The following PTPN13 variants were observed in gnomAD, a reference collection of about 807,000 sequenced individuals.
PTPN13 encodes the protein protein tyrosine phosphatase non-receptor type 13.
A neutral mutation model predicts 284.0 loss-of-function variants in PTPN13; 191 were observed. That is an observed-to-expected ratio of 0.67 (90% confidence interval 0.60 to 0.76). The LOEUF is 0.76. Ranked by LOEUF, PTPN13 falls within the 30% of genes least tolerant of loss-of-function variation. The pLI, the probability that PTPN13 is intolerant of heterozygous loss-of-function variation, is 0.00. For synonymous variants in PTPN13, 986 were observed against 1,022.3 expected, an observed-to-expected ratio of 0.96 and a Z score of 0.68; for missense variants, 2,797 against 2,939.9, an observed-to-expected ratio of 0.95 and a Z score of 1.12.
intron 27 of PTPN13, 36 bp downstream of exon 27, chr4:86,766,553 T>A (rs1414186131): frequency 7.0e-7 from 1 of 1,431,322 alleles, no homozygotes; most frequent in Non-Finnish European, 9.5e-7. Context: ...TACAGTACCT[T>A]AGAAGAGCAA....
At chr4:86,651,403 CTCCCTCCCTCCCTCCGTCCT>C (rs1725056888) in intron 2 of PTPN13, among the ~76,000 whole-genome samples, 1 of 151,756 alleles carries the variant, frequency 6.6e-6, no homozygotes, top group Non-Finnish European at 1.5e-5. Flanking sequence ...CCATCCCTTC[CTCCCTCCCTCCCTCCGTCCT>C]TCCCTCCCTT....
chr4:86,716,319 C>G (rs991848051), intron 7 of PTPN13, among the ~76,000 whole-genome samples: 2 of 152,106 alleles, frequency 1.3e-5, no homozygotes, highest in African/African-American at 4.8e-5. Context: ...GGAACTGATT[C>G]AAACTGAGGC....
intron 7 of PTPN13, among the ~76,000 whole-genome samples, chr4:86,708,062 A>G (rs962770738): frequency 6.6e-6 from 1 of 152,212 alleles, no homozygotes. Context: ...AATTTCTTCA[A>G]TGGAGGAAAT....
chr4:86,786,825 G>A (rs9997271), intron 40 of PTPN13, among the ~76,000 whole-genome samples: 15,151 of 152,082 alleles, frequency 0.1, 876 homozygotes, highest in Non-Finnish European at 0.11. Context: ...GATGTAGGCC[G>A]GGCGCGTTGG....
At chr4:86,750,156 C>G (rs975728975) in intron 17 of PTPN13, among the ~76,000 whole-genome samples, 2 of 152,128 alleles carry the variant, frequency 1.3e-5, no homozygotes, top group African/African-American at 4.8e-5. Flanking sequence ...TCATTTCTAA[C>G]TGAAACCTAT....
Position 86,807,308 on chromosome 4 carries a change from A to C in PTPN13, c.6746-252A>C, listed in dbSNP as rs147459314. Among the ~76,000 whole-genome samples the C allele has an allele frequency of 9.3e-4, 141 of 152,324 alleles. 4 individuals carry two copies. Among genetic ancestry groups the C allele is most frequent in the Admixed American group, 7.8e-3 (119 of 15,294 alleles). ...ATTTTAATTTCAACTAAATCTATGT[A>C]AATAATACCAAATTTCATATGTCAG... is the stretch of plus-strand genomic sequence containing the variant. On this transcript the variant is annotated intron_variant, in intron 44 of 47. Transcript: ENST00000411767.
intron 10 of PTPN13, among the ~76,000 whole-genome samples, chr4:86,723,061 A>G (rs1578498480): frequency 6.6e-6 from 1 of 152,228 alleles, no homozygotes; most frequent in Non-Finnish European, 1.5e-5. Flanking sequence ...TTTTATAAAC[A>G]TAAAATCAAA....
chr4:86,770,266 G>A, intron 30 of PTPN13, 67 bp downstream of exon 30: 1 of 1,403,438 alleles, frequency 7.1e-7, no homozygotes. Context: ...TAATTCAGCT[G>A]TGGTGGTTTC....
At position 86,689,161 on chromosome 4, in the gene PTPN13, G is replaced by A. The variant is rs373922495; in HGVS notation, c.517G>A (p.Val173Ile). ...CTCATTTTCCTACGTGAAACACTTGGTAAAACTGGTTCTGGGAAATCTTTC... is the reference window on the plus strand; with the variant it reads ...CTCATTTTCCTACGTGAAACACTTGATAAAACTGGTTCTGGGAAATCTTTC... ...APSFSYVKHLVKLVLGNLSGT... is the reference protein window; with the variant it reads ...APSFSYVKHLIKLVLGNLSGT... Residue 173 changes from valine to isoleucine, a missense_variant, in exon 5 of 48, where the codon GTA becomes ATA. Physicochemically the swap from Val to Ile is conservative, Grantham distance 29. Coordinates refer to ENST00000411767, the MANE Select transcript of PTPN13 (RefSeq NM_080683.3). 1.2e-5 allele frequency: 20 copies of A among 1,613,332 alleles called. No homozygotes were observed. In the African/African-American group the frequency reaches 2.1e-4, roughly 17 times the overall value.
At chr4:86,696,641 C>T (rs901724359) in intron 6 of PTPN13, among the ~76,000 whole-genome samples, 2 of 151,816 alleles carry the variant, frequency 1.3e-5, no homozygotes, top group African/African-American at 4.8e-5. Flanking sequence ...GATAAGGAAG[C>T]GTTGACTGTC....
chr4:86,606,654 G>A (rs1051376344), intron 1 of PTPN13, among the ~76,000 whole-genome samples: 15 of 151,708 alleles, frequency 9.9e-5, no homozygotes, highest in Admixed American at 3.9e-4. Context: ...TTGGCGTACC[G>A]TCAAGTGCAA....
Position 86,649,330 on chromosome 4 carries a change from A to G in PTPN13, c.115+13959A>G, listed in dbSNP as rs578081598. On this transcript the variant is annotated intron_variant, in intron 2 of 47. Coordinates refer to ENST00000411767, the MANE Select transcript of PTPN13 (RefSeq NM_080683.3). ...GCCAGTGACCTAGGGTTTTTCCCCA[A>G]TGTTTTTTCCTAGTAGTTTCATTGT... Among the ~76,000 whole-genome samples, 4 of 152,302 alleles carry G rather than the reference A, an allele frequency of 2.6e-5. No homozygotes were observed. In the South Asian group the frequency reaches 6.2e-4, roughly 24 times the overall value.
intron 40 of PTPN13, among the ~76,000 whole-genome samples, chr4:86,793,550 C>T (rs1436956871): frequency 2.0e-5 from 3 of 152,284 alleles, no homozygotes; most frequent in African/African-American, 7.2e-5. Flanking sequence ...GCAGAATATA[C>T]ATTCTTCTCA....
chr4:86,742,741 A>G (rs1565463378), intron 16 of PTPN13, among the ~76,000 whole-genome samples: 1 of 152,204 alleles, frequency 6.6e-6, no homozygotes, highest in Non-Finnish European at 1.5e-5. Flanking sequence ...CCTGGGTTTA[A>G]CTTACCTTCC....
At chr4:86,669,608 T>C (rs115611228) in intron 2 of PTPN13, among the ~76,000 whole-genome samples, 2,529 of 152,218 alleles carry the variant, frequency 0.017, 89 homozygotes, top group African/African-American at 0.058. Flanking sequence ...ATGAATTGCT[T>C]TCACCTTCAG....
intron 7 of PTPN13, among the ~76,000 whole-genome samples, chr4:86,704,561 A>G (rs1244013226): frequency 6.6e-6 from 1 of 152,240 alleles, no homozygotes; most frequent in Admixed American, 6.5e-5. Context: ...ATCTGCAAAG[A>G]TGATACATAA....
chr4:86,775,168 T>C lies in PTPN13; in HGVS notation c.5509-3T>C, dbSNP rs1476948442. 1 of 1,573,676 alleles carries C rather than the reference T, an allele frequency of 6.4e-7. No individual in the cohort carries two copies. The highest frequency in any genetic ancestry group is 1.2e-5 in the South Asian group (1 of 83,894). On this transcript the variant is annotated splice_polypyrimidine_tract_variant and splice_region_variant and intron_variant, in intron 33 of 47. Coordinates refer to ENST00000411767, the MANE Select transcript of PTPN13 (RefSeq NM_080683.3). ...TTCACATGCCCCTTTCTTGTTTTTG[T>C]AGGTTAATGATACAGATGTTACTAA...
At chr4:86,648,784 A>AT (rs930451526) in intron 2 of PTPN13, among the ~76,000 whole-genome samples, 13 of 151,740 alleles carry the variant, frequency 8.6e-5, no homozygotes, top group South Asian at 2.1e-4. Flanking sequence ...TTCCATTTTT[A>AT]TTTTTTTTGA....
chr4:86,607,628 C>T (rs1381255878), intron 1 of PTPN13, among the ~76,000 whole-genome samples: 3 of 151,966 alleles, frequency 2.0e-5, no homozygotes, highest in East Asian at 1.9e-4. Context: ...ATAACTGTAA[C>T]TTCTCATATC....
Sources: gnomAD v4.1 joint callset for allele counts (sites outside exome capture counted in the v4.1 genomes callset) on GRCh38, gnomAD v4.1.1 for gene constraint, MANE v1.5 for transcripts, NCBI Gene and HGNC (gene_info 2026-07-23, HGNC 2026-07-21) for gene names.